UTP20: variants seen among roughly 807,000 people sequenced by gnomAD.
The protein encoded by UTP20 is small subunit processome component 20 homolog.
UTP20 carries 164 observed loss-of-function variants against 329.5 expected under a neutral mutation model. That is an observed-to-expected ratio of 0.50 (90% confidence interval 0.44 to 0.57). The LOEUF is 0.57. UTP20 is among the 20% of genes least tolerant of loss of function. UTP20 has a pLI of 0.00. For synonymous variants in UTP20, 1,151 were observed against 1,159.3 expected (o/e 0.99, Z 0.14); for missense variants, 3,055 against 3,284.2 (o/e 0.93, Z 1.71).
In UTP20 at chr12:101,354,982, A is replaced by T. The variant is rs1488101471; in HGVS notation, c.5258A>T (p.Lys1753Ile). 6.2e-7 allele frequency: 1 copy of T among 1,614,226 alleles called. No homozygotes were observed. The highest frequency in any genetic ancestry group is 2.2e-5 in the East Asian group (1 of 44,888). ...GCTGACTCTGGAGGAACATCAGCTA[A>T]AGAATCCGAGTGTATCACAAAGCCT... ...DPADSGGTSAKESECITKPVS... is the reference protein window; with the variant it reads ...DPADSGGTSAIESECITKPVS... The change falls in exon 41 of 62, where the codon AAA (lysine) becomes ATA (isoleucine). Residue 1753 changes from lysine (K) to isoleucine (I), a missense_variant. Physicochemically the swap from Lys to Ile is moderately radical, Grantham distance 102. Transcript: ENST00000261637.
rs1870217719 is a variant in UTP20, at chr12:101,369,708, T to G, written c.6385-13T>G. Reference sequence around the variant, plus strand: ...CATCACAAGTTGGTGGTGTTTTGTTTTGTTTTTTTCAGGTGATCACAGGTG... The same window carrying G: ...CATCACAAGTTGGTGGTGTTTTGTTGTGTTTTTTTCAGGTGATCACAGGTG... On this transcript the variant is annotated splice_polypyrimidine_tract_variant and intron_variant, in intron 48 of 61. Transcript: ENST00000261637. 7.0e-7 allele frequency: 1 copy of G among 1,436,488 alleles called. No homozygotes were observed. Among genetic ancestry groups the G allele is most frequent in the Admixed American group, 1.7e-5 (1 of 59,134 alleles). The allele number at this position is 1,436,488 out of a possible 1,614,324, so 89.0% of individuals were successfully genotyped here.
At chr12:101,380,162 G>C (rs1428265283) in intron 57 of UTP20, among the ~76,000 whole-genome samples, 1 of 152,116 alleles carries the variant, frequency 6.6e-6, no homozygotes, top group Non-Finnish European at 1.5e-5. Flanking sequence ...CAGATCACTT[G>C]AGCTCAGGAG....
At chr12:101,285,412 T>C (rs1871927954) in intron 2 of UTP20, among the ~76,000 whole-genome samples, 158 bp from the exon 3 acceptor site, 1 of 152,220 alleles carries the variant, frequency 6.6e-6, no homozygotes, top group South Asian at 2.1e-4. Flanking sequence ...CTGATTGCTT[T>C]TTAGTGTGTT....
intron 25 of UTP20, 86 bp from the exon 26 acceptor site, chr12:101,326,995 G>T (rs1267736738): frequency 1.5e-6 from 2 of 1,318,854 alleles, no homozygotes; most frequent in East Asian, 2.4e-5. Context: ...AATCTATTGA[G>T]TTGCTCTTCT....
At chr12:101,367,164 A>C (rs1306949106) in intron 47 of UTP20, among the ~76,000 whole-genome samples, 1 of 152,006 alleles carries the variant, frequency 6.6e-6, no homozygotes, top group Admixed American at 6.6e-5. Context: ...ACGTACCTGT[A>C]GTCTTAGTTA....
intron 21 of UTP20, among the ~76,000 whole-genome samples, chr12:101,313,274 G>T (rs1052081298): frequency 6.6e-6 from 1 of 152,160 alleles, no homozygotes; most frequent in Non-Finnish European, 1.5e-5. Flanking sequence ...AACATGCCTG[G>T]CTTGTTCAAT....
In UTP20 at chr12:101,338,904, G is replaced by A. The variant is rs756208046; in HGVS notation, c.3960G>A (p.Val1320=). 1 of 1,610,458 alleles carries A rather than the reference G, an allele frequency of 6.2e-7. No homozygotes were observed. The highest frequency in any genetic ancestry group is 2.3e-5 in the East Asian group (1 of 44,314). Reference sequence around the variant, plus strand: ...AAACCACAATAAGCGCAGAAAAGGTGAAAAAGAAAAAGAATAGAGCACAAG... The same window carrying A: ...AAACCACAATAAGCGCAGAAAAGGTAAAAAAGAAAAAGAATAGAGCACAAG... ...LSKTTISAEK[V]KKKKNRAQVS... The change falls in exon 31 of 62, where the codon GTG becomes GTA. Residue 1320 remains valine, a synonymous_variant. Transcript: ENST00000261637.
At chr12:101,346,822 T>G (rs1028961316) in intron 38 of UTP20, among the ~76,000 whole-genome samples, 6 of 152,246 alleles carry the variant, frequency 3.9e-5, no homozygotes, top group African/African-American at 1.4e-4. Flanking sequence ...CAAAATATTC[T>G]TCCTCCTAGA....
intron 29 of UTP20, among the ~76,000 whole-genome samples, chr12:101,336,599 C>A (rs779657454): frequency 5.9e-5 from 9 of 152,200 alleles, no homozygotes. Flanking sequence ...TCACCACAGC[C>A]CCAGCATAGC....
intron 18 of UTP20, among the ~76,000 whole-genome samples, chr12:101,309,515 C>T (rs1872724470): frequency 6.6e-6 from 1 of 152,132 alleles, no homozygotes; most frequent in Non-Finnish European, 1.5e-5. Flanking sequence ...TGAATGAATA[C>T]CTGGAGTGAA....
chr12:101,340,937 C>CTTTTTTTTTTTTTTTTTTT lies in UTP20; in HGVS notation c.4101+364_4101+382dup, dbSNP rs71091488. ...GAACCCAAGAAGTGCATTGTGTAAT[C>CTTTTTTTTTTTTTTTTTTT]TTTTTTTTTTTTTTTTTTTTTTTTT... is the stretch of plus-strand genomic sequence containing the variant. On this transcript the variant is annotated intron_variant, in intron 32 of 61. Transcript: ENST00000261637. Among the ~76,000 whole-genome samples, 4 of 83,024 alleles carry CTTTTTTTTTTTTTTTTTTT rather than the reference C, an allele frequency of 4.8e-5. 1 individual carries two copies. The highest frequency in any genetic ancestry group is 1.1e-4 in the Non-Finnish European group (4 of 36,506). 54.5% of individuals were successfully genotyped at this position (83,024 alleles called of 152,430 possible).
chr12:101,369,935 T>C (rs2121025739), intron 49 of UTP20, 44 bp downstream of exon 49: 1 of 1,588,676 alleles, frequency 6.3e-7, no homozygotes, highest in Non-Finnish European at 8.6e-7. Context: ...AGGATGGAGC[T>C]GGATGCAATA....
At position 101,346,877 on chromosome 12, in the gene UTP20, A is replaced by G. The variant is rs536502926; in HGVS notation, c.4884+289A>G. Among the ~76,000 whole-genome samples the G allele has an allele frequency of 3.3e-5, 5 of 152,326 alleles. No individual in the cohort carries two copies. In the South Asian group the frequency reaches 1.0e-3, roughly 32 times the overall value. Reference sequence around the variant, plus strand: ...TTGCATACTTTTATTTTTGTGTCATAGGACTTAAATCTGGTTAACTCCCCT... The same window carrying G: ...TTGCATACTTTTATTTTTGTGTCATGGGACTTAAATCTGGTTAACTCCCCT... On this transcript the variant is annotated intron_variant, in intron 38 of 61. Transcript: ENST00000261637.
chr12:101,369,871 C>G lies in UTP20; in HGVS notation c.6535C>G (p.Leu2179Val), dbSNP rs138226932. The change falls in exon 49 of 62, where the codon CTT (leucine) becomes GTT (valine). Residue 2179 changes from leucine to valine, a missense_variant. Leu to Val is a conservative substitution (Grantham distance 32, BLOSUM62 1). Around this residue, in one of 3 missense-constraint regions of UTP20, gnomAD observed 2,445 missense variants for 2,575.5 expected, o/e 0.95. Transcript: ENST00000261637. ...LGAARGQNFH[L>V]VVNCFKCVTI... ...GGCCGCCAGGGGCCAGAACTTCCAC[C>G]TTGTGGTCAATTGTTTCAAGGTGAG... 67 of 1,613,708 alleles carry G rather than the reference C, an allele frequency of 4.2e-5. No individual in the cohort carries two copies. Among genetic ancestry groups the G allele is most frequent in the Non-Finnish European group, 5.5e-5 (65 of 1,179,910 alleles).
At position 101,367,890 on chromosome 12, in the gene UTP20, A is replaced by T. The variant is rs540667932; in HGVS notation, c.6298A>T (p.Ile2100Phe). 5.6e-5 allele frequency: 90 copies of T among 1,613,690 alleles called. No individual in the cohort carries two copies. In the South Asian group the frequency reaches 9.3e-4, roughly 17 times the overall value. Residue 2100 changes from isoleucine (I) to phenylalanine (F), a missense_variant, in exon 48 of 62, where the codon ATC (isoleucine) becomes TTC (phenylalanine). Ile to Phe is a conservative substitution (Grantham distance 21). Around this residue, in one of 3 missense-constraint regions of UTP20, gnomAD observed 2,445 missense variants for 2,575.5 expected, o/e 0.95. Transcript: ENST00000261637. ...GCATCTGAGTCTGAAGACTTCCAAG[A>T]TCAAGTCTTCAGGTGAATGTGTCCT... ...LLHLSLKTSK[I>F]KSSGECVLEM...
chr12:101,348,713 T>C (rs1869413349), intron 38 of UTP20, among the ~76,000 whole-genome samples: 1 of 150,494 alleles, frequency 6.6e-6, no homozygotes, highest in Non-Finnish European at 1.5e-5. Flanking sequence ...TGTTTCCTTT[T>C]TTTGTGTGTA....
At position 101,365,505 on chromosome 12, in the gene UTP20, A is replaced by G. The variant is rs1038084042; in HGVS notation, c.6005A>G (p.Glu2002Gly). Residue 2002 changes from glutamate to glycine, a missense_variant, in exon 46 of 62, where the codon GAA becomes GGA. Glu to Gly is a moderately conservative substitution (Grantham distance 98). Transcript: ENST00000261637. ...TTGAAACTGGCCCGGAAAGTTCATG[A>G]AACTTTACGCCGAATCACAGTGGGA... ...TSLKLARKVH[E>G]TLRRITVGLI... is the part of the protein sequence containing the mutation. 3 of 1,611,608 alleles carry G rather than the reference A, an allele frequency of 1.9e-6. No individual in the cohort carries two copies. In the Admixed American group the frequency reaches 5.0e-5, roughly 27 times the overall value.
intron 8 of UTP20, 103 bp downstream of exon 8, chr12:101,290,991 T>C (rs936647994): frequency 2.4e-6 from 3 of 1,254,582 alleles, no homozygotes; most frequent in African/African-American, 3.1e-5. Context: ...TATTTTATAA[T>C]TGTTTTATTT....
chr12:101,373,481 C>T lies in UTP20; in HGVS notation c.6948+11C>T, dbSNP rs1415545409. 5 of 1,613,964 alleles carry T rather than the reference C, an allele frequency of 3.1e-6. No individual in the cohort carries two copies. Among genetic ancestry groups the T allele is most frequent in the Non-Finnish European group, 4.2e-6 (5 of 1,180,008 alleles). ...GACACGTTCCCTCAGGTACTGTGAC[C>T]CCAGAGATAAGCCCCGTGACTCCTG... On this transcript the variant is annotated intron_variant, in intron 53 of 61. Coordinates refer to ENST00000261637, the MANE Select transcript of UTP20 (RefSeq NM_014503.3).
Sources: gnomAD v4.1 joint callset for allele counts (sites outside exome capture counted in the v4.1 genomes callset) on GRCh38, gnomAD v4.1.1 for gene constraint, gnomAD v4.1.1 regional missense constraint, MANE v1.5 for transcripts, NCBI Gene and HGNC (gene_info 2026-07-23, HGNC 2026-07-21) for gene names.